CENATAC: variants seen among roughly 807,000 people sequenced by gnomAD.
CENATAC encodes coiled-coil domain containing 84.
A neutral mutation model predicts 53.7 loss-of-function variants in CENATAC; 53 were observed. That is an observed-to-expected ratio of 0.99 (90% CI 0.79 to 1.24). The LOEUF is 1.24. Ranked by LOEUF, CENATAC falls within the 50% of genes most tolerant of loss-of-function variation. The pLI is 0.00. For missense variants in CENATAC, 474 were observed against 417.8 expected, an observed-to-expected ratio of 1.13 and a Z score of -1.17; for synonymous variants, 156 against 144.6, an observed-to-expected ratio of 1.08 and a Z score of -0.57.
chr11:119,011,086 G>C, intron 4 of CENATAC, 135 bp from the exon 5 acceptor site: 1 of 722,814 alleles, frequency 1.4e-6, no homozygotes, highest in Non-Finnish European at 2.3e-6. Flanking sequence ...CAGTGCTGTT[G>C]CAGCCTGCTT....
Position 119,005,200 on chromosome 11 carries a change from C to T in CENATAC, c.384-5564C>T, listed in dbSNP as rs548054481. ...AAAAATTTTTGGCCGGGCACGATGG[C>T]TCATGCCTGTAATCCCAGCACTTTG... On this transcript the variant is annotated intron_variant, in intron 3 of 10. Transcript: ENST00000334418. Among the ~76,000 whole-genome samples, 199 of 152,302 alleles carry T rather than the reference C, an allele frequency of 1.3e-3. 2 individuals are homozygous for T. Among genetic ancestry groups the T allele is most frequent in the Non-Finnish European group, 2.5e-3 (171 of 68,030 alleles).
chr11:119,014,022 C>T (rs1943010550), intron 8 of CENATAC: 1 of 152,174 alleles, frequency 6.6e-6, no homozygotes. Flanking sequence ...AACCTTCATA[C>T]ACTGCTCTTA....
intron 3 of CENATAC, 56 bp from the exon 4 acceptor site, chr11:119,010,708 T>C: frequency 6.7e-7 from 1 of 1,489,714 alleles, no homozygotes; most frequent in Non-Finnish European, 9.3e-7. Context: ...TGAGGAGCTT[T>C]TCGTTTTAAC....
rs59458729 is a variant in CENATAC, at chr11:119,014,582, A to C, written c.716-412A>C. ...GAGCGAGACTCCTCTCAAAAAAACAAAAGGCCAGACCCCACCTCAATGTCC... is the reference window on the plus strand; with the variant it reads ...GAGCGAGACTCCTCTCAAAAAAACACAAGGCCAGACCCCACCTCAATGTCC... On this transcript the variant is annotated intron_variant, in intron 8 of 10. Coordinates refer to ENST00000334418, the MANE Select transcript of CENATAC (RefSeq NM_198489.3). 9.0e-3 allele frequency: 1,384 copies of C among 153,654 alleles called. 25 individuals are homozygous for C. Among genetic ancestry groups the C allele is most frequent in the African/African-American group, 0.031 (1,303 of 41,568 alleles). 9.5% of individuals were successfully genotyped at this position (153,654 alleles called of 1,614,324 possible).
In CENATAC at chr11:119,012,199, C is replaced by T; in HGVS notation, c.629C>T (p.Ala210Val). 1 of 1,614,198 alleles carries T rather than the reference C, an allele frequency of 6.2e-7. No individual in the cohort carries two copies. The highest frequency in any genetic ancestry group is 1.1e-5 in the South Asian group (1 of 91,084). The change falls in exon 7 of 11, where the codon GCT becomes GTT. Residue 210 changes from alanine to valine, a missense_variant. By Grantham distance (64) the Ala-to-Val change is moderately conservative. Coordinates refer to ENST00000334418, the MANE Select transcript of CENATAC (RefSeq NM_198489.3). The stretch of plus-strand genomic sequence containing the variant: ...CCCTCAAATTTGGACCTGCCACCAG[C>T]TCCAGAGCTTGACTGGATGGAGACA... ...QQPSNLDLPP[A>V]PELDWMETGP...
rs1025952036 is a variant in CENATAC, at chr11:118,998,600, G to C, written c.284+7G>C. The C allele has an allele frequency of 9.0e-6, 14 of 1,556,240 alleles. No homozygotes were observed. In the African/African-American group the frequency reaches 1.4e-4, roughly 15 times the overall value. The stretch of plus-strand genomic sequence containing the variant: ...TGCTGGAGCATCTGGCCAGGTGAGA[G>C]CCGAGCTAGGAGCCTGCTCCAGCAC... On this transcript the variant is annotated splice_region_variant and intron_variant, in intron 2 of 10. Coordinates refer to ENST00000334418, the MANE Select transcript of CENATAC (RefSeq NM_198489.3).
intron 8 of CENATAC, among the ~76,000 whole-genome samples, chr11:119,013,738 C>T (rs922439197): frequency 1.3e-5 from 2 of 151,702 alleles, no homozygotes; most frequent in Admixed American, 1.3e-4. Context: ...GCTGGGATTA[C>T]AGGCATGAGC....
chr11:119,004,772 A>G (rs1411433507), intron 3 of CENATAC: 1 of 154,026 alleles, frequency 6.5e-6, no homozygotes, highest in Non-Finnish European at 1.5e-5. Flanking sequence ...TAAAAAAAAA[A>G]AGGCAATTCA....
At chr11:119,004,143 C>G (rs1236033925) in intron 3 of CENATAC, among the ~76,000 whole-genome samples, 1 of 152,190 alleles carries the variant, frequency 6.6e-6, no homozygotes, top group Non-Finnish European at 1.5e-5. Flanking sequence ...CATGAGTACT[C>G]TGCTCATTCT....
At chr11:119,015,126 C>G in intron 9 of CENATAC, 43 bp downstream of exon 9, 1 of 1,542,456 alleles carries the variant, frequency 6.5e-7, no homozygotes, top group Non-Finnish European at 8.9e-7. Context: ...AATCTTCACA[C>G]TCAAAAATGG....
At chr11:119,012,337 A>G (rs1484770691) in intron 7 of CENATAC, 83 bp downstream of exon 7, 10 of 1,467,134 alleles carry the variant, frequency 6.8e-6, no homozygotes, top group African/African-American at 1.4e-5. Context: ...TACCTATTCA[A>G]GCCACTGCTG....
rs782031776 is a variant in CENATAC at position 118,998,454 on chromosome 11, C to G, written c.145C>G (p.Arg49Gly). The stretch of plus-strand genomic sequence containing the variant: ...GGTGGAGGCGGCCCGCAAGGCCATC[C>G]GCGCCGCTCAGGTGGAGCGCTATGT... ...PQVEAARKAI[R>G]AAQVERYVPE... Residue 49 changes from arginine to glycine, a missense_variant, in exon 2 of 11, where the codon CGC (arginine) becomes GGC (glycine). By Grantham distance (125) the Arg-to-Gly change is moderately radical. Coordinates refer to ENST00000334418, the MANE Select transcript of CENATAC (RefSeq NM_198489.3). 9 of 1,612,542 alleles carry G rather than the reference C, an allele frequency of 5.6e-6. No homozygotes were observed. The East Asian group carries it at 2.0e-4, about 36-fold the overall frequency.
At chr11:119,015,153 TG>T (rs2134582711) in intron 9 of CENATAC, 70 bp downstream of exon 9, 1 of 1,462,760 alleles carries the variant, frequency 6.8e-7, no homozygotes, top group South Asian at 1.2e-5. Flanking sequence ...TGCCTGTGTG[TG>T]GTGGCTCATG....
chr11:119,011,986 C>T lies in CENATAC; in HGVS notation c.561C>T (p.Ser187=). The T allele has an allele frequency of 6.2e-7, 1 of 1,614,024 alleles. No homozygotes were observed. The change falls in exon 6 of 11, where the codon AGC becomes AGT. Residue 187 remains serine, a synonymous_variant. Transcript: ENST00000334418. ...DPEEGSSAPR[S]WKGMNSQVAS... Reference sequence around the variant, plus strand: ...AAGAGGGCTCTTCAGCACCTAGAAGCTGGAAAGGGATGAACAGGTAAGACT... The same window carrying T: ...AAGAGGGCTCTTCAGCACCTAGAAGTTGGAAAGGGATGAACAGGTAAGACT...
chr11:119,000,795 G>T (rs1942254495), intron 3 of CENATAC, among the ~76,000 whole-genome samples: 1 of 151,950 alleles, frequency 6.6e-6, no homozygotes, highest in South Asian at 2.1e-4. Context: ...AATTGAGATG[G>T]GGTTTTGCTA....
At chr11:119,014,610 A>G (rs1436782534) in intron 8 of CENATAC, 1 of 156,792 alleles carries the variant, frequency 6.4e-6, no homozygotes, top group Non-Finnish European at 1.4e-5. Flanking sequence ...CAATGTCCAC[A>G]CACAGAAAAT....
Position 119,011,952 on chromosome 11 carries a change from C to T in CENATAC, c.527C>T (p.Pro176Leu). 6.2e-7 allele frequency: 1 copy of T among 1,614,070 alleles called. No individual in the cohort carries two copies. The highest frequency in any genetic ancestry group is 8.5e-7 in the Non-Finnish European group (1 of 1,179,974). The change falls in exon 6 of 11, where the codon CCA becomes CTA. Residue 176 changes from proline to leucine, a missense_variant. Transcript: ENST00000334418. ...VRSVLEPQAV[P>L]DPEEGSSAPR... is the part of the protein sequence containing the mutation. Reference sequence around the variant, plus strand: ...AATCAAACTCAGCCTCAGGCAGTGCCAGACCCAGAAGAGGGCTCTTCAGCA... The same window carrying T: ...AATCAAACTCAGCCTCAGGCAGTGCTAGACCCAGAAGAGGGCTCTTCAGCA...
Position 119,010,842 on chromosome 11 carries a change from T to TCC in CENATAC, c.450+12_450+13insCC. ...AAGTGATCAAGGAGGTAAGTTAAAG[T>TCC]AGCAGTCCCTCACCCTTTTTGCACC... On this transcript the variant is annotated intron_variant, in intron 4 of 10. Coordinates refer to ENST00000334418, the MANE Select transcript of CENATAC (RefSeq NM_198489.3). The TCC allele has an allele frequency of 6.2e-7, 1 of 1,612,960 alleles. No individual in the cohort carries two copies. The highest frequency in any genetic ancestry group is 1.1e-5 in the South Asian group (1 of 91,050).
chr11:119,009,955 G>A (rs1008339776), intron 3 of CENATAC: 3 of 152,236 alleles, frequency 2.0e-5, no homozygotes, highest in Admixed American at 6.5e-5. Flanking sequence ...AGACCAGCAT[G>A]GGTGACATGG....
Sources: allele counts gnomAD v4.1 joint callset (sites outside exome capture counted in the v4.1 genomes callset), GRCh38; gene constraint gnomAD v4.1.1; transcripts MANE v1.5; gene names NCBI Gene and HGNC (gene_info 2026-07-23, HGNC 2026-07-21).